The following DSE variants were observed in gnomAD, a reference collection of about 807,000 sequenced individuals.
DSE encodes the protein dermatan sulfate epimerase.
DSE carries 36 observed loss-of-function variants against 84.4 expected under a neutral mutation model. The observed-to-expected ratio is 0.43, with a 90% CI of 0.33 to 0.56. DSE has a LOEUF of 0.56. Ranked by LOEUF, DSE falls within the 20% of genes least tolerant of loss-of-function variation. The pLI is 0.06. For missense variants in DSE, 862 were observed against 1,169.6 expected (o/e 0.74, Z 3.84); for synonymous variants, 410 against 430.1 (o/e 0.95, Z 0.58).
At chr6:116,312,226 G>A (rs770840894) in intron 2 of DSE, among the ~76,000 whole-genome samples, 1 of 152,152 alleles carries the variant, frequency 6.6e-6, no homozygotes, top group Non-Finnish European at 1.5e-5. Flanking sequence ...GACTTTTTAT[G>A]CTTTTTGAGC....
chr6:116,323,545 C>T (rs893768046), intron 2 of DSE, among the ~76,000 whole-genome samples: 3 of 152,052 alleles, frequency 2.0e-5, no homozygotes, highest in Non-Finnish European at 4.4e-5. Context: ...ATGTTCTTAT[C>T]GAAAAGTGTG....
chr6:116,333,267 G>C (rs1000326922), intron 2 of DSE, among the ~76,000 whole-genome samples: 4 of 152,126 alleles, frequency 2.6e-5, no homozygotes, highest in Admixed American at 1.3e-4. Context: ...AGATTTATTT[G>C]GCTCATGGTT....
intron 2 of DSE, among the ~76,000 whole-genome samples, chr6:116,350,190 G>A (rs1032141437): frequency 2.6e-5 from 4 of 152,112 alleles, no homozygotes; most frequent in African/African-American, 9.7e-5. Context: ...GAACAGGATA[G>A]TAAGAAAACT....
intron 2 of DSE, among the ~76,000 whole-genome samples, chr6:116,308,384 C>T (rs1775471316): frequency 6.6e-6 from 1 of 152,020 alleles, no homozygotes; most frequent in Admixed American, 6.6e-5. Flanking sequence ...TTGATGTGAC[C>T]TTGTTTACTC....
intron 2 of DSE, among the ~76,000 whole-genome samples, chr6:116,419,024 C>A (rs1782905191): frequency 1.3e-5 from 2 of 152,208 alleles, no homozygotes; most frequent in Non-Finnish European, 2.9e-5. Context: ...TTTTGCTTCA[C>A]AATGCCAGTG....
chr6:116,372,451 G>A (rs1205945588), intron 1 of DSE, among the ~76,000 whole-genome samples: 3 of 152,156 alleles, frequency 2.0e-5, no homozygotes, highest in African/African-American at 7.2e-5. Flanking sequence ...CTGGGCGACA[G>A]GCTCAAAACA....
At chr6:116,298,046 T>A (rs1172775777) in intron 2 of DSE, among the ~76,000 whole-genome samples, 1 of 152,196 alleles carries the variant, frequency 6.6e-6, no homozygotes. Context: ...GTAAGAAATA[T>A]TTGAGTTTTA....
At chr6:116,294,958 TATG>T (rs1773164961) in intron 2 of DSE, among the ~76,000 whole-genome samples, 1 of 152,114 alleles carries the variant, frequency 6.6e-6, no homozygotes, top group African/African-American at 2.4e-5. Context: ...CTATAGTAAG[TATG>T]ATAAGTGATG....
At chr6:116,357,154 T>C (rs144410307) in intron 2 of DSE, among the ~76,000 whole-genome samples, 141 of 152,286 alleles carry the variant, frequency 9.3e-4, no homozygotes, top group African/African-American at 3.1e-3. Flanking sequence ...CAGAGAACAA[T>C]GTTTCTTCTT....
At chr6:116,276,102 TAA>T (rs1273126495) in intron 2 of DSE, among the ~76,000 whole-genome samples, 1 of 152,180 alleles carries the variant, frequency 6.6e-6, no homozygotes, top group African/African-American at 2.4e-5. Flanking sequence ...CAAAGTACAC[TAA>T]GTGCATAAAG....
At chr6:116,424,563 CT>C (rs200700592) in intron 2 of DSE, among the ~76,000 whole-genome samples, 1,944 of 152,246 alleles carry the variant, frequency 0.013, 40 homozygotes, top group African/African-American at 0.045. Flanking sequence ...CTTTTTCCTT[CT>C]TTCTGAAAAT....
At chr6:116,339,773 C>T (rs1435233938) in intron 2 of DSE, among the ~76,000 whole-genome samples, 1 of 152,138 alleles carries the variant, frequency 6.6e-6, no homozygotes, top group Non-Finnish European at 1.5e-5. Flanking sequence ...GTCTATTGCC[C>T]ATTCCTGGTG....
chr6:116,334,177 C>T (rs1777108155), intron 2 of DSE, among the ~76,000 whole-genome samples: 1 of 152,156 alleles, frequency 6.6e-6, no homozygotes, highest in African/African-American at 2.4e-5. Flanking sequence ...TTCAGCATAT[C>T]ACACAATTGT....
chr6:116,370,894 C>T, upstream of DSE: 1 of 985,750 alleles, frequency 1.0e-6, no homozygotes, highest in Non-Finnish European at 1.2e-6. Flanking sequence ...CCGCCGCGTC[C>T]CTCCCTCCGC....
chr6:116,385,384 G>A (rs1248703798), intron 1 of DSE, among the ~76,000 whole-genome samples: 2 of 152,206 alleles, frequency 1.3e-5, no homozygotes, highest in Non-Finnish European at 2.9e-5. Flanking sequence ...AAGGCAGGTA[G>A]ACAAATTTGG....
At position 116,438,648 on chromosome 6, in the gene DSE, A is replaced by G. The variant is rs898300812; in HGVS notation, c.*1303A>G. On this transcript the variant is annotated 3_prime_UTR_variant, in exon 6 of 6. Transcript: ENST00000644252. ...TAATAAATTATCATACATTCAGCAT[A>G]TTTGAGTCATATATTTCTCCTTTGA... is the stretch of plus-strand genomic sequence containing the variant. 2.6e-5 allele frequency: 4 copies of G among 152,174 alleles called. No homozygotes were observed. The highest frequency in any genetic ancestry group is 9.6e-5 in the African/African-American group (4 of 41,454). 9.4% of individuals were successfully genotyped at this position (152,174 alleles called of 1,614,324 possible).
intron 2 of DSE, among the ~76,000 whole-genome samples, chr6:116,294,877 A>G (rs1774559016): frequency 6.6e-6 from 1 of 152,156 alleles, no homozygotes; most frequent in Non-Finnish European, 1.5e-5. Flanking sequence ...ATATATGCAG[A>G]ACACCCCATC....
In DSE at chr6:116,444,339, A is replaced by C. The variant is rs1414143808; in HGVS notation, c.*6994A>C. 6.6e-6 allele frequency: 1 copy of C among 152,176 alleles called. No homozygotes were observed. Among genetic ancestry groups the C allele is most frequent in the Non-Finnish European group, 1.5e-5 (1 of 68,024 alleles). 9.4% of individuals were successfully genotyped at this position (152,176 alleles called of 1,614,324 possible). A position where few individuals can be genotyped will look rare whatever the true frequency, so the allele number is the denominator to read the frequency against. ...CAAAGTCACTGGACTACAATCCTTT[A>C]GGGCAGGGATTGTGTCTCTTGCTCG... On this transcript the variant is annotated 3_prime_UTR_variant, in exon 6 of 6. Transcript: ENST00000644252.
intron 2 of DSE, among the ~76,000 whole-genome samples, chr6:116,420,773 TTTTAA>T (rs1783021153): frequency 6.6e-6 from 1 of 152,172 alleles, no homozygotes; most frequent in Non-Finnish European, 1.5e-5. Flanking sequence ...TATATGAAAA[TTTTAA>T]AAATAGAAGC....
Sources: allele counts gnomAD v4.1 joint callset (sites outside exome capture counted in the v4.1 genomes callset), GRCh38; gene constraint gnomAD v4.1.1; transcripts MANE v1.5; gene names NCBI Gene and HGNC (gene_info 2026-07-23, HGNC 2026-07-21).